Variants in TMEM50B observed in about 807,000 individuals in gnomAD.
TMEM50B encodes transmembrane protein 50B.
TMEM50B carries 14 observed loss-of-function variants against 23.4 expected under a neutral mutation model. The ratio of observed to expected loss-of-function variants is 0.60; its 90% CI spans 0.39 to 0.93. TMEM50B has a LOEUF of 0.93. Ranked by LOEUF, TMEM50B falls within the 40% of genes least tolerant of loss-of-function variation. The pLI, the probability that TMEM50B is intolerant of heterozygous loss-of-function variation, is 0.00. For synonymous variants in TMEM50B, 64 were observed against 62.3 expected, an observed-to-expected ratio of 1.03 and a Z score of -0.13; for missense variants, 159 against 193.0, an observed-to-expected ratio of 0.82 and a Z score of 1.04.
Position 33,468,782 on chromosome 21 carries a change from C to A in TMEM50B, c.99+5G>T. ...ACATGTCACCAACCAGTCTTTCTCA[C>A]TTACCAATATACCTGCGACAACAGA... is the stretch of plus-strand genomic sequence containing the variant. On this transcript the variant is annotated splice_donor_5th_base_variant and intron_variant, in intron 2 of 6. Transcript: ENST00000542230. 6.2e-7 allele frequency: 1 copy of A among 1,612,692 alleles called. No individual in the cohort carries two copies. The highest frequency in any genetic ancestry group is 8.5e-7 in the Non-Finnish European group (1 of 1,179,074).
chr21:33,453,487 G>A (rs2123421279), intron 6 of TMEM50B, among the ~76,000 whole-genome samples: 1 of 152,226 alleles, frequency 6.6e-6, no homozygotes, highest in African/African-American at 2.4e-5. Flanking sequence ...ACAACTTCGA[G>A]CAGCCTATTA....
intron 6 of TMEM50B, among the ~76,000 whole-genome samples, chr21:33,452,550 CAG>C (rs1287423558): frequency 2.0e-5 from 3 of 152,192 alleles, no homozygotes; most frequent in Non-Finnish European, 4.4e-5. Flanking sequence ...CATGAAGCAT[CAG>C]AGAGTGGAAA....
Position 33,460,492 on chromosome 21 carries a change from C to A in TMEM50B, c.294G>T (p.Trp98Cys). The A allele has an allele frequency of 6.2e-7, 1 of 1,610,262 alleles. No homozygotes were observed. The highest frequency in any genetic ancestry group is 8.5e-7 in the Non-Finnish European group (1 of 1,178,610). The change falls in exon 5 of 7, where the codon TGG becomes TGT. Residue 98 changes from tryptophan (W) to cysteine (C), a missense_variant. By Grantham distance (215) the Trp-to-Cys change is radical. Coordinates refer to ENST00000542230, the MANE Select transcript of TMEM50B (RefSeq NM_006134.7). The stretch of plus-strand genomic sequence containing the variant: ...ACATCAACATGAAACCAATGAAAAG[C>A]CAAACTCGAGCACCTGTGTAGAGAA... ...GCLGRTGARV[W>C]LFIGFMLMFG...
At chr21:33,463,796 T>C (rs1462629872) in intron 4 of TMEM50B, among the ~76,000 whole-genome samples, 2 of 152,208 alleles carry the variant, frequency 1.3e-5, no homozygotes, top group Non-Finnish European at 2.9e-5. Context: ...CATGTGCCTA[T>C]AATCACAGCT....
intron 1 of TMEM50B, among the ~76,000 whole-genome samples, chr21:33,476,175 CCT>C (rs750689743): frequency 1.3e-5 from 2 of 152,088 alleles, no homozygotes; most frequent in Non-Finnish European, 2.9e-5. Context: ...GGGTGGATCC[CCT>C]GAGATCGGGA....
chr21:33,477,835 A>G (rs1438125070), intron 1 of TMEM50B, among the ~76,000 whole-genome samples: 1 of 149,614 alleles, frequency 6.7e-6, no homozygotes, highest in Non-Finnish European at 1.5e-5. Flanking sequence ...ATATATACAT[A>G]AGTTAAAAAT....
chr21:33,471,263 T>C (rs2084313039), intron 1 of TMEM50B, among the ~76,000 whole-genome samples: 1 of 152,186 alleles, frequency 6.6e-6, no homozygotes. Flanking sequence ...GCCAATATTT[T>C]AACTGCCTGT....
At chr21:33,451,164 A>C (rs2084116369) in intron 6 of TMEM50B, among the ~76,000 whole-genome samples, 2 of 152,196 alleles carry the variant, frequency 1.3e-5, no homozygotes, top group African/African-American at 2.4e-5. Flanking sequence ...ATAAATCAAA[A>C]GAAAAAGGGA....
chr21:33,453,049 AATTT>A (rs1401900547), intron 6 of TMEM50B, among the ~76,000 whole-genome samples: 23 of 152,200 alleles, frequency 1.5e-4, no homozygotes, highest in African/African-American at 5.5e-4. Context: ...AGTAGAGATT[AATTT>A]ATTTAATTCT....
At chr21:33,462,157 ATATT>A (rs1280701266) in intron 4 of TMEM50B, among the ~76,000 whole-genome samples, 1 of 152,062 alleles carries the variant, frequency 6.6e-6, no homozygotes, top group Non-Finnish European at 1.5e-5. Flanking sequence ...CATTTATAGT[ATATT>A]TATTATTTTG....
At chr21:33,460,956 G>C (rs967240595) in intron 4 of TMEM50B, among the ~76,000 whole-genome samples, 10 of 152,146 alleles carry the variant, frequency 6.6e-5, no homozygotes, top group Non-Finnish European at 1.5e-4. Flanking sequence ...CATTCTTTAG[G>C]AGTATATTCA....
rs551133593 is a variant in TMEM50B at position 33,455,034 on chromosome 21, C to T, written c.431+693G>A. 3.3e-5 allele frequency among the ~76,000 whole-genome samples: 5 copies of T among 152,184 alleles called. No individual in the cohort carries two copies. In the South Asian group the frequency reaches 1.0e-3, roughly 32 times the overall value. Reference sequence around the variant, plus strand: ...CGGGAGGCTGAGGCATGGGAATCGCCTGAGTCCCGAGGCGGAGGCTGCAGT... The same window carrying T: ...CGGGAGGCTGAGGCATGGGAATCGCTTGAGTCCCGAGGCGGAGGCTGCAGT... On this transcript the variant is annotated intron_variant, in intron 6 of 6. Coordinates refer to ENST00000542230, the MANE Select transcript of TMEM50B (RefSeq NM_006134.7).
intron 1 of TMEM50B, 146 bp from the exon 2 acceptor site, chr21:33,469,072 T>C: frequency 3.3e-6 from 2 of 599,722 alleles, no homozygotes; most frequent in East Asian, 5.6e-5. Context: ...CTTCAACAAG[T>C]ACCTAATTGA....
intron 8 of TMEM50B, chr21:33,436,996 GAA>G: frequency 6.2e-7 from 1 of 1,612,490 alleles, no homozygotes; most frequent in African/African-American, 1.3e-5. Context: ...TGGCTCCCTG[GAA>G]GAGATCAAGC....
chr21:33,453,629 A>T (rs1461324729), intron 6 of TMEM50B, among the ~76,000 whole-genome samples: 1 of 152,102 alleles, frequency 6.6e-6, no homozygotes, highest in Non-Finnish European at 1.5e-5. Context: ...AATATACACC[A>T]AGCAGAAGGA....
intron 5 of TMEM50B, among the ~76,000 whole-genome samples, chr21:33,457,073 G>A (rs147539351): frequency 0.043 from 6,566 of 152,092 alleles, 201 homozygotes; most frequent in African/African-American, 0.081. Flanking sequence ...TGGCCAACAT[G>A]GGGAAACCCT....
At chr21:33,438,825 G>C (rs2083982591) in intron 8 of TMEM50B, among the ~76,000 whole-genome samples, 1 of 152,054 alleles carries the variant, frequency 6.6e-6, no homozygotes, top group Non-Finnish European at 1.5e-5. Context: ...CACCTCCCAG[G>C]TTCAAGCAAT....
chr21:33,466,217 C>T (rs887393318), intron 3 of TMEM50B, among the ~76,000 whole-genome samples: 2 of 152,162 alleles, frequency 1.3e-5, no homozygotes, highest in East Asian at 1.9e-4. Context: ...GCCAAGATCA[C>T]ACCAGTGTGG....
intron 1 of TMEM50B, among the ~76,000 whole-genome samples, chr21:33,473,357 G>A (rs2084335578): frequency 6.6e-6 from 1 of 150,558 alleles, no homozygotes; most frequent in African/African-American, 2.4e-5. Flanking sequence ...GGAGGCTGAG[G>A]CACAGGAATC....
Sources: allele counts gnomAD v4.1 joint callset (sites outside exome capture counted in the v4.1 genomes callset), GRCh38; gene constraint gnomAD v4.1.1; transcripts MANE v1.5; gene names NCBI Gene and HGNC (gene_info 2026-07-23, HGNC 2026-07-21).